CEP104: variants seen among roughly 807,000 people sequenced by gnomAD.
The protein encoded by CEP104 is centrosomal protein 104.
CEP104 carries 84 observed loss-of-function variants against 113.3 expected under a neutral mutation model. The observed-to-expected ratio is 0.74, with a 90% CI of 0.62 to 0.89. The LOEUF (loss-of-function observed/expected upper bound fraction) is 0.89. Among genes scored for constraint, CEP104 ranks in the 40% least tolerant of loss-of-function variants. The probability of loss-of-function intolerance (pLI) is 0.00; values close to 1 mark genes in which losing one functional copy is unlikely to be tolerated. For missense variants in CEP104, 1,053 were observed against 1,156.6 expected (o/e 0.91, Z 1.30); for synonymous variants, 378 against 421.7 (o/e 0.90, Z 1.27).
rs554661872 is a variant in CEP104 at position 3,850,782 on chromosome 1, C to T, written c.113+1513G>A. 4.6e-5 allele frequency among the ~76,000 whole-genome samples: 7 copies of T among 152,284 alleles called. No homozygotes were observed. The East Asian group carries it at 1.2e-3, about 25-fold the overall frequency. On this transcript the variant is annotated intron_variant, in intron 2 of 21. Transcript: ENST00000378230. The stretch of plus-strand genomic sequence containing the variant: ...ACACAGATCCTTTTCTTGGGTACAT[C>T]CTCTGAAAGCACGTTACTGAAGTGA...
chr1:3,835,260 G>C, intron 10 of CEP104, among the ~76,000 whole-genome samples, 168 bp from the exon 11 acceptor site: 1 of 151,740 alleles, frequency 6.6e-6, no homozygotes, highest in African/African-American at 2.4e-5. Context: ...AAATAAATAT[G>C]TATATTTAGA....
intron 20 of CEP104, among the ~76,000 whole-genome samples, chr1:3,817,006 G>A (rs1176643272): frequency 6.6e-6 from 1 of 152,210 alleles, no homozygotes; most frequent in Non-Finnish European, 1.5e-5. Flanking sequence ...GGACATTCGA[G>A]TTGTTCCTGG....
At chr1:3,839,854 A>G (rs1221083360) in intron 6 of CEP104, 78 bp from the exon 7 acceptor site, 5 of 1,175,634 alleles carry the variant, frequency 4.3e-6, no homozygotes, top group Non-Finnish European at 6.1e-6. Flanking sequence ...GGTTGAGAAG[A>G]TGCCCCTCCC....
intron 1 of CEP104, among the ~76,000 whole-genome samples, 196 bp from the exon 2 acceptor site, chr1:3,852,617 C>A (rs1327035303): frequency 6.6e-6 from 1 of 152,142 alleles, no homozygotes; most frequent in South Asian, 2.1e-4. Context: ...CTTAAGATAT[C>A]ATTTAAGTTA....
rs1462592615 is a variant in CEP104, at chr1:3,823,379, CCCCTGGTGACCCGAGGGCACGGGA to C, written c.2503+21_2503+44del. The C allele has an allele frequency of 6.2e-7, 1 of 1,613,810 alleles. No individual in the cohort carries two copies. Among genetic ancestry groups the C allele is most frequent in the Non-Finnish European group, 8.5e-7 (1 of 1,179,686 alleles). On this transcript the variant is annotated intron_variant, in intron 19 of 21. Transcript: ENST00000378230. The surrounding 1 kb of genome is among the most constrained non-coding windows in gnomAD (Gnocchi z 4.1). ...AGCAGTGGCACTTCCTCCAAGAGGA[CCCCTGGTGACCCGAGGGCACGGGA>C]GCCTGGGAAGGGGCACTCACGGTTG... is the stretch of plus-strand genomic sequence containing the variant.
At chr1:3,832,179 C>G (rs1001794773) in intron 12 of CEP104, among the ~76,000 whole-genome samples, 1 of 152,218 alleles carries the variant, frequency 6.6e-6, no homozygotes, top group African/African-American at 2.4e-5. Flanking sequence ...GAAAGATGAA[C>G]CCTCCTCACC....
In CEP104 at chr1:3,815,389, C is replaced by T; in HGVS notation, c.*13G>A. 1 of 1,581,446 alleles carries T rather than the reference C, an allele frequency of 6.3e-7. No individual in the cohort carries two copies. Among genetic ancestry groups the T allele is most frequent in the East Asian group, 2.2e-5 (1 of 44,466 alleles). ...TCCATCCCTCACAGAGACCAAGGAG[C>T]CCGAGCGCCGCGTCAGCGCTTGGCG... On this transcript the variant is annotated 3_prime_UTR_variant, in exon 22 of 22. Transcript: ENST00000378230.
At position 3,815,031 on chromosome 1, in the gene CEP104, A is replaced by G. The variant is rs1160884619; in HGVS notation, c.*371T>C. The G allele has an allele frequency of 1.5e-5, 3 of 196,782 alleles. No individual in the cohort carries two copies. Among genetic ancestry groups the G allele is most frequent in the South Asian group, 9.5e-5 (1 of 10,502 alleles). 12.2% of individuals were successfully genotyped at this position (196,782 alleles called of 1,614,324 possible). A position where few individuals can be genotyped will look rare whatever the true frequency, so the allele number is the denominator to read the frequency against. On this transcript the variant is annotated 3_prime_UTR_variant, in exon 22 of 22. Coordinates refer to ENST00000378230, the MANE Select transcript of CEP104 (RefSeq NM_014704.4). The stretch of plus-strand genomic sequence containing the variant: ...GTGAATGTTTTATGGAAATTGCTCC[A>G]AGCACTAAGGAAAGCGGGACCGTGC...
At position 3,825,784 on chromosome 1, in the gene CEP104, G is replaced by A. The variant is rs1465293533; in HGVS notation, c.2338C>T (p.Leu780=). The A allele has an allele frequency of 8.1e-6, 13 of 1,613,108 alleles. No individual in the cohort carries two copies. Among genetic ancestry groups the A allele is most frequent in the Non-Finnish European group, 1.1e-5 (13 of 1,179,122 alleles). ...DLHYWKHCLM[L]TRCDHCKQVV... is the part of the protein sequence containing the mutation. ...TGTTTGCAGTGGTCACATCTTGTCA[G>A]CATGAGACAGTGCTTCCAGTAGTGG... The change falls in exon 18 of 22, where the codon CTG becomes TTG. Residue 780 remains leucine (L), a synonymous_variant. Transcript: ENST00000378230.
chr1:3,840,298 G>A (rs1301339399), intron 6 of CEP104, among the ~76,000 whole-genome samples: 2 of 151,910 alleles, frequency 1.3e-5, no homozygotes, highest in South Asian at 2.1e-4. Flanking sequence ...GTGCAATGGC[G>A]CAATCTCGGC....
rs781434653 is a variant in CEP104, at chr1:3,829,797, C to T, written c.2037G>A (p.Glu679=). Reference sequence around the variant, plus strand: ...TTCACCAAAGTTAACTCACCCTCATCTCAGCATCTGTAGCTCTGCCATCTA... The same window carrying T: ...TTCACCAAAGTTAACTCACCCTCATTTCAGCATCTGTAGCTCTGCCATCTA... The part of the protein sequence containing the change: ...AKIDGRATDA[E]MRARRKAATE... The change falls in exon 14 of 22, where the codon GAG becomes GAA. Residue 679 remains glutamate (E), a synonymous_variant. Transcript: ENST00000378230. 9 of 1,613,962 alleles carry T rather than the reference C, an allele frequency of 5.6e-6. No homozygotes were observed. The African/African-American group carries it at 6.7e-5, about 12-fold the overall frequency.
chr1:3,823,654 C>T lies in CEP104; in HGVS notation c.2365-92G>A. ...AGAGCCTGTGAGCGCCTCCCCTGCC[C>T]AGGGAGGTCTGTGCCGCCTGCACAT... On this transcript the variant is annotated intron_variant, in intron 18 of 21. Transcript: ENST00000378230. This position sits in a 1 kb window ranked among gnomAD's most constrained non-coding sequence, Gnocchi z 4.1. 6.7e-7 allele frequency: 1 copy of T among 1,503,336 alleles called. No individual in the cohort carries two copies. The highest frequency in any genetic ancestry group is 9.2e-7 in the Non-Finnish European group (1 of 1,091,290). 93.1% of individuals were successfully genotyped at this position (1,503,336 alleles called of 1,614,324 possible). A position where few individuals can be genotyped will look rare whatever the true frequency, so the allele number is the denominator to read the frequency against.
Position 3,822,925 on chromosome 1 carries a change from C to T in CEP104, c.2571+249G>A, listed in dbSNP as rs375187223. The T allele has an allele frequency of 2.1e-5, 10 of 484,978 alleles. No homozygotes were observed. The East Asian group carries it at 2.3e-4, about 11-fold the overall frequency. 30.0% of individuals were successfully genotyped at this position (484,978 alleles called of 1,614,324 possible). On this transcript the variant is annotated intron_variant, in intron 20 of 21. Coordinates refer to ENST00000378230, the MANE Select transcript of CEP104 (RefSeq NM_014704.4). ...CATTTCATGCTGTATCCCAGTGACA[C>T]AGGCTGGGCCTCAGTGAGTTGAGGC...
chr1:3,843,760 TG>T (rs1389894019), intron 6 of CEP104, among the ~76,000 whole-genome samples: 38 of 151,446 alleles, frequency 2.5e-4, no homozygotes, highest in African/African-American at 8.8e-4. Context: ...GTAAAAATTG[TG>T]GTGTGTGTTT....
Position 3,847,598 on chromosome 1 carries a change from AC to A in CEP104, c.302del (p.Cys101LeufsTer13). 1 of 1,614,150 alleles carries A rather than the reference AC, an allele frequency of 6.2e-7. No individual in the cohort carries two copies. Among genetic ancestry groups the A allele is most frequent in the East Asian group, 2.2e-5 (1 of 44,886 alleles). On this transcript the variant is annotated frameshift_variant, in exon 4 of 22. Transcript: ENST00000378230. LOFTEE classifies it high-confidence loss of function. ...CTTTGCAACCTGTCTTTTCATTATCACAGAGAGACACGTAGCTGAAAAACAA... is the reference window on the plus strand; with the variant it reads ...CTTTGCAACCTGTCTTTTCATTATCAAGAGAGACACGTAGCTGAAAAACAA... Reference protein sequence around the residue: ...RFRRLGYVSLCDNEKTGCKAR... With the variant: ...RFRRLGYVSLXDNEKTGCKAR...
At position 3,816,415 on chromosome 1, in the gene CEP104, C is replaced by CCCA. The variant is rs372526559; in HGVS notation, c.2572-46_2572-45insTGG. 1.0e-5 allele frequency: 15 copies of CCCA among 1,463,394 alleles called. 1 individual carries two copies. The highest frequency in any genetic ancestry group is 7.0e-5 in the African/African-American group (5 of 71,218). 90.7% of individuals were successfully genotyped at this position (1,463,394 alleles called of 1,614,324 possible). A position where few individuals can be genotyped will look rare whatever the true frequency, so the allele number is the denominator to read the frequency against. The stretch of plus-strand genomic sequence containing the variant: ...CAGAGTGTTAATCAGGCGAGACGGA[C>CCCA]CTGGCACGCTACCTGAGACCCAAAA... On this transcript the variant is annotated intron_variant, in intron 20 of 21. Coordinates refer to ENST00000378230, the MANE Select transcript of CEP104 (RefSeq NM_014704.4).
At position 3,829,913 on chromosome 1, in the gene CEP104, G is replaced by A; in HGVS notation, c.1921C>T (p.Gln641Ter). 6.2e-7 allele frequency: 1 copy of A among 1,614,132 alleles called. No homozygotes were observed. Among genetic ancestry groups the A allele is most frequent in the Non-Finnish European group, 8.5e-7 (1 of 1,180,020 alleles). The change falls in exon 14 of 22, where the codon CAG becomes TAG. Residue 641 changes from glutamine (Q) to a stop codon, truncating the protein, a stop_gained. Transcript: ENST00000378230. LOFTEE classifies it high-confidence loss of function. ...GGAAGGTACTCCAGGATGGAAGCCT[G>A]GTGCTGTCTGTACATGTCCAAAATA... ...RIILDMYRQH[Q>*]ASILEYLPPD...
In CEP104 at chr1:3,832,514, GTGACCAGGAGTGTAGTGTAGGTCA is replaced by G. The variant is rs1294510148; in HGVS notation, c.1660-1316_1660-1293del. On this transcript the variant is annotated intron_variant, in intron 12 of 21. Coordinates refer to ENST00000378230, the MANE Select transcript of CEP104 (RefSeq NM_014704.4). ...CGTGACCAGGAGTGTAGTGTAGGTCGTGACCAGGAGTGTAGTGTAGGTCATAACCAGGAGTGTAGTGTAGCACAT... is the reference window on the plus strand; with the variant it reads ...CGTGACCAGGAGTGTAGTGTAGGTCGTAACCAGGAGTGTAGTGTAGCACAT... 6.6e-3 allele frequency among the ~76,000 whole-genome samples: 634 copies of G among 96,384 alleles called. 15 individuals carry two copies. Among genetic ancestry groups the G allele is most frequent in the African/African-American group, 0.018 (586 of 32,754 alleles). The allele number at this position is 96,384 out of a possible 152,430, so 63.2% of individuals were successfully genotyped here.
At chr1:3,833,425 A>G (rs1049817034) in intron 12 of CEP104, among the ~76,000 whole-genome samples, 7 of 152,226 alleles carry the variant, frequency 4.6e-5, no homozygotes, top group Non-Finnish European at 5.9e-5. Flanking sequence ...AAGATTTTCA[A>G]ATTATGGTGC....
Sources: allele counts gnomAD v4.1 joint callset (sites outside exome capture counted in the v4.1 genomes callset), GRCh38; gene constraint gnomAD v4.1.1; non-coding constraint Gnocchi (gnomAD v3.1); transcripts MANE v1.5; gene names NCBI Gene and HGNC (gene_info 2026-07-23, HGNC 2026-07-21).